The following DCAF6 variants were observed in gnomAD, a reference collection of about 807,000 sequenced individuals.
DCAF6 encodes the protein DDB1- and CUL4-associated factor 6.
DCAF6 carries 54 observed loss-of-function variants against 125.1 expected under a neutral mutation model. The observed-to-expected ratio is 0.43, with a 90% CI of 0.35 to 0.54. The LOEUF (loss-of-function observed/expected upper bound fraction) is 0.54. Ranked by LOEUF, DCAF6 falls within the 20% of genes least tolerant of loss-of-function variation. DCAF6 has a pLI of 0.01. For missense variants in DCAF6, 934 were observed against 1,161.7 expected (o/e 0.80, Z 2.85); for synonymous variants, 371 against 390.4 (o/e 0.95, Z 0.58).
chr1:168,036,017 G>A (rs540106862), intron 12 of DCAF6, among the ~76,000 whole-genome samples: 106 of 152,168 alleles, frequency 7.0e-4, no homozygotes, highest in African/African-American at 2.4e-3. Context: ...GGCCGAGATC[G>A]CGCCATTGCA....
intron 12 of DCAF6, among the ~76,000 whole-genome samples, chr1:168,029,599 T>G (rs1045028250): frequency 3.3e-5 from 5 of 152,216 alleles, no homozygotes; most frequent in African/African-American, 1.2e-4. Context: ...TATGTTAATT[T>G]ACTTAATCCT....
chr1:167,947,373 G>A (rs1331904370), intron 1 of DCAF6, among the ~76,000 whole-genome samples: 1 of 149,856 alleles, frequency 6.7e-6, no homozygotes, highest in East Asian at 2.0e-4. Context: ...ATTTCATTTA[G>A]TTCTGCTCTG....
chr1:167,896,505 C>A, the DCAF6 span: 1,169 of 1,049,666 alleles, frequency 1.1e-3, 9 homozygotes, highest in African/African-American at 0.017. Context: ...TTGAGGAGCC[C>A]ACCCACCAGT....
chr1:167,913,623 A>C, the DCAF6 span, among the ~76,000 whole-genome samples: 41 of 152,320 alleles, frequency 2.7e-4, no homozygotes, highest in African/African-American at 8.2e-4. Flanking sequence ...CATCTTCTAC[A>C]TATCTTTGTT....
intron 4 of DCAF6, among the ~76,000 whole-genome samples, 178 bp from the exon 5 acceptor site, chr1:167,987,317 A>C (rs1056737571): frequency 6.6e-6 from 1 of 152,196 alleles, no homozygotes. Flanking sequence ...ATTACTTCTT[A>C]TCTATTTCTA....
chr1:167,880,432 C>T, the DCAF6 span: 2 of 1,239,758 alleles, frequency 1.6e-6, no homozygotes, highest in South Asian at 2.4e-5. Flanking sequence ...TGCATGCCCT[C>T]CCTACTTATG....
At chr1:167,878,000 C>T in the DCAF6 span, among the ~76,000 whole-genome samples, 1 of 152,206 alleles carries the variant, frequency 6.6e-6, no homozygotes, top group East Asian at 1.9e-4. Flanking sequence ...TTCAAAGTGA[C>T]ACCCATAAAT....
chr1:168,059,365 AG>A (rs1382459762), intron 17 of DCAF6, among the ~76,000 whole-genome samples: 1 of 152,200 alleles, frequency 6.6e-6, no homozygotes, highest in African/African-American at 2.4e-5. Flanking sequence ...TTGTTTCATC[AG>A]ACAATTTGCC....
At chr1:167,966,866 G>C (rs1055454988) in intron 3 of DCAF6, 145 bp downstream of exon 3, 5 of 555,584 alleles carry the variant, frequency 9.0e-6, no homozygotes, top group Non-Finnish European at 1.6e-5. Context: ...TAATTTAGAG[G>C]TTCTTAGGTA....
chr1:167,957,918 G>T (rs150374729), intron 2 of DCAF6, among the ~76,000 whole-genome samples: 1 of 151,996 alleles, frequency 6.6e-6, no homozygotes, highest in Admixed American at 6.5e-5. Flanking sequence ...TGCATATGAA[G>T]GTATGAGTCA....
intron 2 of DCAF6, among the ~76,000 whole-genome samples, chr1:167,965,145 T>C (rs140021384): frequency 9.2e-5 from 14 of 152,330 alleles, no homozygotes; most frequent in Admixed American, 8.5e-4. Context: ...ATGGTATAAA[T>C]AGGTCCTTAG....
At position 168,058,847 on chromosome 1, in the gene DCAF6, G is replaced by T. The variant is rs1691231842; in HGVS notation, c.2301-4774G>T. Among the ~76,000 whole-genome samples, 3 of 152,176 alleles carry T rather than the reference G, an allele frequency of 2.0e-5. No individual in the cohort carries two copies. In the South Asian group the frequency reaches 6.2e-4, roughly 32 times the overall value. On this transcript the variant is annotated intron_variant, in intron 17 of 21. Transcript: ENST00000367840. Reference sequence around the variant, plus strand: ...GGCCTCCCAAAGTGCTGGAATTACAGGCATGAGCCACTGCACCCGGTCCTG... The same window carrying T: ...GGCCTCCCAAAGTGCTGGAATTACATGCATGAGCCACTGCACCCGGTCCTG...
At position 168,064,079 on chromosome 1, in the gene DCAF6, ATTTT is replaced by A. The variant is rs11295034; in HGVS notation, c.2439+337_2439+340del. The A allele has an allele frequency of 2.6e-4, 24 of 92,444 alleles. No individual in the cohort carries two copies. The East Asian group carries it at 2.8e-3, about 11-fold the overall frequency. The allele number at this position is 92,444 out of a possible 1,614,324, so 5.7% of individuals were successfully genotyped here. ...TGTCTACCTGAAAAGTTTCTGGTGG[ATTTT>A]TTTTTTTTTTTTTTTTAGCTTGTAT... On this transcript the variant is annotated intron_variant, in intron 18 of 21. Transcript: ENST00000367840.
intron 5 of DCAF6, among the ~76,000 whole-genome samples, chr1:167,988,521 C>A (rs1384695506): frequency 1.3e-5 from 2 of 151,924 alleles, no homozygotes; most frequent in Non-Finnish European, 2.9e-5. Context: ...GTCTTTTGAC[C>A]CCAGACAAGT....
Position 167,936,864 on chromosome 1 carries a change from C to CCCA in DCAF6, c.-46_-45insACC. 6.8e-7 allele frequency: 1 copy of CCCA among 1,467,016 alleles called. No homozygotes were observed. Among genetic ancestry groups the CCCA allele is most frequent in the Non-Finnish European group, 9.3e-7 (1 of 1,071,750 alleles). The allele number at this position is 1,467,016 out of a possible 1,614,324, so 90.9% of individuals were successfully genotyped here. The stretch of plus-strand genomic sequence containing the variant: ...AAACGGGTGTCCCCTCCCCCTCCTC[C>CCCA]CCTCCCCCACGCGGTGGTCTCCCCT... On this transcript the variant is annotated 5_prime_UTR_variant, in exon 1 of 22. Coordinates refer to ENST00000367840, the MANE Select transcript of DCAF6 (RefSeq NM_001198956.2).
chr1:168,030,631 C>T (rs762719018), intron 12 of DCAF6, among the ~76,000 whole-genome samples: 9 of 152,076 alleles, frequency 5.9e-5, no homozygotes, highest in Non-Finnish European at 1.3e-4. Context: ...GTAGAATAAA[C>T]AGGACTTGGT....
chr1:168,071,651 G>A (rs933101433), intron 21 of DCAF6, among the ~76,000 whole-genome samples: 1 of 151,924 alleles, frequency 6.6e-6, no homozygotes, highest in Non-Finnish European at 1.5e-5. Context: ...ACCAAAATCA[G>A]GCAGTGGGCT....
At chr1:167,883,424 A>G in the DCAF6 span, 2 of 1,613,976 alleles carry the variant, frequency 1.2e-6, no homozygotes, top group Non-Finnish European at 1.7e-6. Flanking sequence ...CCCATCCCAT[A>G]GTTCACACTT....
In DCAF6 at chr1:167,992,557, T is replaced by G. The variant is rs551551604; in HGVS notation, c.689-669T>G. ...TGAAATAATAGGCTTAATTATTGTT[T>G]CTCAACAGGTGGACACAATTGACAT... is the stretch of plus-strand genomic sequence containing the variant. On this transcript the variant is annotated intron_variant, in intron 6 of 21. Coordinates refer to ENST00000367840, the MANE Select transcript of DCAF6 (RefSeq NM_001198956.2). Among the ~76,000 whole-genome samples, 7 of 152,354 alleles carry G rather than the reference T, an allele frequency of 4.6e-5. No homozygotes were observed. In the South Asian group the frequency reaches 1.2e-3, roughly 27 times the overall value.
Sources: gnomAD v4.1 joint callset for allele counts (sites outside exome capture counted in the v4.1 genomes callset) on GRCh38, gnomAD v4.1.1 for gene constraint, MANE v1.5 for transcripts, NCBI Gene and HGNC (gene_info 2026-07-23, HGNC 2026-07-21) for gene names.